The following SLIT3 variants were observed in gnomAD, a reference collection of about 807,000 sequenced individuals.
SLIT3 encodes the protein slit homolog 3 protein.
Under a neutral mutation model 184.0 loss-of-function variants are expected in SLIT3, and 68 were observed. That is an observed-to-expected ratio of 0.37 (90% confidence interval 0.30 to 0.45). SLIT3 has a LOEUF of 0.45. Among genes scored for constraint, SLIT3 ranks in the 20% least tolerant of loss-of-function variants. The pLI, the probability that SLIT3 is intolerant of heterozygous loss-of-function variation, is 1.00. For synonymous variants in SLIT3, 831 were observed against 828.6 expected (o/e 1.00, Z -0.05); for missense variants, 1,707 against 2,026.0 (o/e 0.84, Z 3.02).
chr5:168,816,222 C>T (rs1041300035), intron 8 of SLIT3, among the ~76,000 whole-genome samples: 5 of 152,010 alleles, frequency 3.3e-5, no homozygotes, highest in South Asian at 2.1e-4. Context: ...ATTTCACTGT[C>T]GTGGCCCAGG....
At chr5:168,751,538 G>A (rs1441249742) in intron 18 of SLIT3, among the ~76,000 whole-genome samples, 1 of 152,134 alleles carries the variant, frequency 6.6e-6, no homozygotes, top group African/African-American at 2.4e-5. Context: ...CTTTCCCAAG[G>A]TCACACAGCT....
intron 4 of SLIT3, among the ~76,000 whole-genome samples, chr5:169,101,686 C>T (rs565842629): frequency 6.6e-6 from 1 of 152,276 alleles, no homozygotes; most frequent in South Asian, 2.1e-4. Flanking sequence ...AAAAATGATC[C>T]TTAATGATCC....
At chr5:168,677,123 A>G (rs528347973) in intron 32 of SLIT3, among the ~76,000 whole-genome samples, 1 of 152,304 alleles carries the variant, frequency 6.6e-6, no homozygotes, top group South Asian at 2.1e-4. Context: ...GGCTCGAGGT[A>G]TAGCCTTCAG....
chr5:168,775,791 T>C (rs1561926382), intron 12 of SLIT3, among the ~76,000 whole-genome samples: 1 of 152,078 alleles, frequency 6.6e-6, no homozygotes, highest in South Asian at 2.1e-4. Flanking sequence ...TGTTTTTAGC[T>C]CTTCAGACTC....
chr5:169,141,704 A>G (rs1581452155), intron 4 of SLIT3, among the ~76,000 whole-genome samples: 1 of 149,240 alleles, frequency 6.7e-6, no homozygotes, highest in Non-Finnish European at 1.5e-5. Context: ...GCGCCATTGC[A>G]CTCCAGCCTG....
chr5:168,818,195 T>C (rs1757402505), intron 7 of SLIT3, among the ~76,000 whole-genome samples: 1 of 152,166 alleles, frequency 6.6e-6, no homozygotes. Context: ...GTGTATTTGC[T>C]ATTCTGACTG....
intron 3 of SLIT3, among the ~76,000 whole-genome samples, chr5:169,205,210 C>T (rs535968476): frequency 3.3e-5 from 5 of 152,254 alleles, no homozygotes; most frequent in Admixed American, 2.6e-4. Context: ...GGGCATGGCG[C>T]TGGGGCTTAG....
Position 168,692,761 on chromosome 5 carries a change from G to T in SLIT3, c.3083-61C>A. On this transcript the variant is annotated intron_variant, in intron 28 of 35. Transcript: ENST00000519560. ...CAGGGTAGGGATGCCCTGGCCAGAA[G>T]ATCAGAGTACTAGGGGGGATATCCT... 8.2e-6 allele frequency: 10 copies of T among 1,218,708 alleles called. No individual in the cohort carries two copies. In the Admixed American group the frequency reaches 1.4e-4, roughly 17 times the overall value. The allele number at this position is 1,218,708 out of a possible 1,614,324, so 75.5% of individuals were successfully genotyped here. A position where few individuals can be genotyped will look rare whatever the true frequency, so the allele number is the denominator to read the frequency against.
intron 4 of SLIT3, among the ~76,000 whole-genome samples, chr5:169,179,680 A>G (rs1763093324): frequency 2.0e-5 from 3 of 148,918 alleles, no homozygotes; most frequent in African/African-American, 5.2e-5. Context: ...GTGAGTGTGC[A>G]TGAGCATATG....
intron 4 of SLIT3, among the ~76,000 whole-genome samples, chr5:168,890,190 G>A (rs571046389): frequency 4.7e-5 from 7 of 148,382 alleles, no homozygotes; most frequent in East Asian, 2.0e-4. Context: ...CTGTTTCTCC[G>A]TTTTATCCAG....
intron 5 of SLIT3, among the ~76,000 whole-genome samples, chr5:168,851,459 G>A (rs542070788): frequency 1.3e-5 from 2 of 152,026 alleles, no homozygotes; most frequent in South Asian, 2.1e-4. Flanking sequence ...CAAATCCAAA[G>A]CAAATCAAAC....
intron 1 of SLIT3, among the ~76,000 whole-genome samples, chr5:169,296,213 G>A (rs957579836): frequency 1.3e-5 from 2 of 152,118 alleles, no homozygotes; most frequent in Non-Finnish European, 2.9e-5. Context: ...TTGTAGTTTT[G>A]AGGTTCATTA....
rs534449911 is a variant in SLIT3, at chr5:169,289,379, G to A, written c.197+11134C>T. 2.5e-4 allele frequency among the ~76,000 whole-genome samples: 38 copies of A among 152,268 alleles called. 1 individual carries two copies. The highest frequency in any genetic ancestry group is 8.9e-4 in the African/African-American group (37 of 41,554). Reference sequence around the variant, plus strand: ...ATTTCTGCAACACATTATTGAACAGGACAGCTCTCCAATGAGATCATCACT... The same window carrying A: ...ATTTCTGCAACACATTATTGAACAGAACAGCTCTCCAATGAGATCATCACT... On this transcript the variant is annotated intron_variant, in intron 1 of 35. Transcript: ENST00000519560.
At chr5:169,006,869 A>G (rs1581294454) in intron 4 of SLIT3, among the ~76,000 whole-genome samples, 1 of 152,200 alleles carries the variant, frequency 6.6e-6, no homozygotes, top group Non-Finnish European at 1.5e-5. Context: ...ATACACATAC[A>G]TGGTGCCTGA....
intron 5 of SLIT3, among the ~76,000 whole-genome samples, chr5:168,849,223 T>A (rs980950371): frequency 6.6e-6 from 1 of 152,156 alleles, no homozygotes; most frequent in African/African-American, 2.4e-5. Flanking sequence ...GGGATACCCA[T>A]CCAGTTGTTC....
chr5:169,015,963 C>T (rs1298373589), intron 4 of SLIT3, among the ~76,000 whole-genome samples: 4 of 140,334 alleles, frequency 2.9e-5, no homozygotes, highest in Admixed American at 8.3e-5. Flanking sequence ...CACACACACA[C>T]ACACACACAC....
chr5:168,705,725 T>G (rs989483313), intron 26 of SLIT3, among the ~76,000 whole-genome samples: 1 of 152,362 alleles, frequency 6.6e-6, no homozygotes, highest in East Asian at 1.9e-4. Context: ...GAAGATACTC[T>G]CTTTGCTCTG....
At chr5:168,836,462 C>G (rs1027409525) in intron 6 of SLIT3, among the ~76,000 whole-genome samples, 31 of 152,332 alleles carry the variant, frequency 2.0e-4, no homozygotes, top group African/African-American at 7.2e-4. Flanking sequence ...AGTGAACTGA[C>G]CGCTGTAGGC....
At chr5:169,122,868 C>A (rs1760935390) in intron 4 of SLIT3, among the ~76,000 whole-genome samples, 1 of 152,170 alleles carries the variant, frequency 6.6e-6, no homozygotes. Context: ...TCCAAAGAAG[C>A]TCATTCTTCT....
Sources: allele counts gnomAD v4.1 joint callset (sites outside exome capture counted in the v4.1 genomes callset), GRCh38; gene constraint gnomAD v4.1.1; transcripts MANE v1.5; gene names NCBI Gene and HGNC (gene_info 2026-07-23, HGNC 2026-07-21).